RAPGEF6: variants seen among roughly 807,000 people sequenced by gnomAD.
RAPGEF6 encodes PDZ domain containing guanine nucleotide exchange factor (GEF) 2.
Under a neutral mutation model 171.4 loss-of-function variants are expected in RAPGEF6, and 56 were observed. The observed-to-expected ratio is 0.33, with a 90% CI of 0.26 to 0.41. The LOEUF is 0.41. Among genes scored for constraint, RAPGEF6 ranks in the 10% least tolerant of loss-of-function variants. RAPGEF6 has a pLI of 1.00. For missense variants in RAPGEF6, 1,674 were observed against 1,921.4 expected (o/e 0.87, Z 2.41); for synonymous variants, 692 against 650.1 (o/e 1.06, Z -0.98).
chr5:131,470,066 G>A (rs1186357037), intron 17 of RAPGEF6, among the ~76,000 whole-genome samples: 1 of 151,876 alleles, frequency 6.6e-6, no homozygotes, highest in Non-Finnish European at 1.5e-5. Context: ...GCTGAATTTG[G>A]AATTAACTGG....
chr5:131,442,275 C>T, intron 23 of RAPGEF6, 74 bp downstream of exon 23: 3 of 1,373,746 alleles, frequency 2.2e-6, no homozygotes, highest in African/African-American at 1.5e-5. Context: ...TCCTGAACAT[C>T]TGTAATTATT....
intron 1 of RAPGEF6, 41 bp from the exon 2 acceptor site, chr5:131,604,734 T>A (rs1764448069): frequency 6.4e-7 from 1 of 1,565,264 alleles, no homozygotes; most frequent in African/African-American, 1.4e-5. Context: ...TTTTCAAATA[T>A]GCTGTTTAAA....
chr5:131,588,010 T>G (rs1231693043), intron 4 of RAPGEF6, among the ~76,000 whole-genome samples: 15 of 151,888 alleles, frequency 9.9e-5, no homozygotes, highest in Non-Finnish European at 1.5e-5. Flanking sequence ...TTTTTTTAAA[T>G]TTTTGTAGCT....
At chr5:131,517,592 A>G (rs80198983) in intron 7 of RAPGEF6, among the ~76,000 whole-genome samples, 6 of 148,064 alleles carry the variant, frequency 4.1e-5, no homozygotes, top group Non-Finnish European at 9.0e-5. Context: ...TAGACAAATC[A>G]CTTCAGCTAT....
intron 5 of RAPGEF6, 36 bp downstream of exon 5, chr5:131,561,941 AT>A: frequency 6.8e-7 from 1 of 1,465,424 alleles, no homozygotes. Context: ...AAACTGAAGC[AT>A]ATCAAAAACA....
At chr5:131,430,610 GACAA>G (rs1199301163) in intron 26 of RAPGEF6, 25 of 606,140 alleles carry the variant, frequency 4.1e-5, no homozygotes, top group African/African-American at 5.5e-5. Flanking sequence ...AAAAACAAAA[GACAA>G]ACAAACTTGT....
At chr5:131,457,892 T>C (rs1451890061) in intron 19 of RAPGEF6, among the ~76,000 whole-genome samples, 1 of 152,202 alleles carries the variant, frequency 6.6e-6, no homozygotes, top group Non-Finnish European at 1.5e-5. Flanking sequence ...AAAGTTATCA[T>C]CAGTTGAAGA....
chr5:131,508,388 A>G lies in RAPGEF6; in HGVS notation c.806-181T>C, dbSNP rs1580938023. Among the ~76,000 whole-genome samples the G allele has an allele frequency of 2.0e-5, 3 of 152,322 alleles. No individual in the cohort carries two copies. In the East Asian group the frequency reaches 5.8e-4, roughly 29 times the overall value. On this transcript the variant is annotated intron_variant, in intron 8 of 27. Transcript: ENST00000509018. ...AAAATCAATTATTTGATTAATATGT[A>G]TATTCAGACTCACATATAAACCTGG...
chr5:131,435,364 A>G (rs1751950459), intron 24 of RAPGEF6, among the ~76,000 whole-genome samples: 1 of 152,360 alleles, frequency 6.6e-6, no homozygotes, highest in East Asian at 1.9e-4. Flanking sequence ...AGTGGATGTA[A>G]TAAGTAAATT....
intron 24 of RAPGEF6, among the ~76,000 whole-genome samples, chr5:131,436,692 C>T (rs1752032861): frequency 6.6e-6 from 1 of 152,022 alleles, no homozygotes; most frequent in African/African-American, 2.4e-5. Flanking sequence ...AAAAATATGA[C>T]AAAAATATCA....
At chr5:131,625,543 C>T (rs11746227) in intron 1 of RAPGEF6, among the ~76,000 whole-genome samples, 95,941 of 151,940 alleles carry the variant, frequency 0.63, 32,288 homozygotes, top group Non-Finnish European at 0.77. Flanking sequence ...TGGCTGGGCA[C>T]GGTGGCTCAC....
intron 20 of RAPGEF6, 132 bp downstream of exon 20, chr5:131,455,669 C>T (rs1753440224): frequency 1.4e-6 from 1 of 706,078 alleles, no homozygotes; most frequent in Non-Finnish European, 2.3e-6. Context: ...TCTAATTCAA[C>T]ACTAGAAAAA....
intron 4 of RAPGEF6, among the ~76,000 whole-genome samples, chr5:131,580,077 A>T (rs1000741655): frequency 6.6e-6 from 1 of 152,186 alleles, no homozygotes; most frequent in Non-Finnish European, 1.5e-5. Context: ...CAGGCGCCGC[A>T]GAGCAGGGGG....
At chr5:131,436,787 C>G (rs1053381969) in intron 24 of RAPGEF6, among the ~76,000 whole-genome samples, 6 of 151,974 alleles carry the variant, frequency 3.9e-5, no homozygotes, top group Admixed American at 6.6e-5. Context: ...TAGTAAAAAC[C>G]AAATAAGACA....
intron 1 of RAPGEF6, among the ~76,000 whole-genome samples, chr5:131,629,065 T>C (rs551357334): frequency 6.6e-6 from 1 of 152,206 alleles, no homozygotes; most frequent in Non-Finnish European, 1.5e-5. Flanking sequence ...CCTTCAAGTC[T>C]TGTTATTTAA....
chr5:131,566,470 G>A (rs1254862312), intron 4 of RAPGEF6, among the ~76,000 whole-genome samples: 1 of 152,084 alleles, frequency 6.6e-6, no homozygotes, highest in Non-Finnish European at 1.5e-5. Context: ...TATAAACCAG[G>A]ATTCTGTTTT....
chr5:131,518,147 T>C lies in RAPGEF6; in HGVS notation c.627+3243A>G, dbSNP rs888591194. ...TCTACAAGTATAACATATTTAAGTA[T>C]ACAGGTATATATATTTATTTAACGA... On this transcript the variant is annotated intron_variant, in intron 7 of 27. Coordinates refer to ENST00000509018, the MANE Select transcript of RAPGEF6 (RefSeq NM_016340.6). Among the ~76,000 whole-genome samples the C allele has an allele frequency of 1.5e-4, 23 of 152,132 alleles. No individual in the cohort carries two copies. In the South Asian group the frequency reaches 2.7e-3, roughly 18 times the overall value.
chr5:131,446,536 T>C lies in RAPGEF6; in HGVS notation c.3368A>G (p.Asp1123Gly). The C allele has an allele frequency of 6.2e-7, 1 of 1,614,256 alleles. No homozygotes were observed. The highest frequency in any genetic ancestry group is 2.2e-5 in the East Asian group (1 of 44,890). Residue 1123 changes from aspartate to glycine, a missense_variant, in exon 22 of 28, where the codon GAT becomes GGT. Coordinates refer to ENST00000509018, the MANE Select transcript of RAPGEF6 (RefSeq NM_016340.6). ...QYLSSLDVET[D>G]EEKFQMMSLQ... The stretch of plus-strand genomic sequence containing the variant: ...TGACATCATCTGGAACTTCTCCTCA[T>C]CTGTCTCTACATCGAGACTGGAAAG...
At chr5:131,634,593 A>G (rs541217087) in intron 1 of RAPGEF6, among the ~76,000 whole-genome samples, 3 of 152,248 alleles carry the variant, frequency 2.0e-5, no homozygotes, top group African/African-American at 7.2e-5. Flanking sequence ...TTTCTAAATT[A>G]CATGGCTGAG....
Sources: allele counts gnomAD v4.1 joint callset (sites outside exome capture counted in the v4.1 genomes callset), GRCh38; gene constraint gnomAD v4.1.1; transcripts MANE v1.5; gene names NCBI Gene and HGNC (gene_info 2026-07-23, HGNC 2026-07-21).